SYDE2: variants seen among roughly 807,000 people sequenced by gnomAD.
SYDE2 encodes synapse defective Rho GTPase homolog 2.
Under a neutral mutation model 91.5 loss-of-function variants are expected in SYDE2, and 76 were observed. The ratio of observed to expected loss-of-function variants is 0.83; its 90% CI spans 0.69 to 1.01. The LOEUF is 1.01. Ranked by LOEUF, SYDE2 falls within the 50% of genes least tolerant of loss-of-function variation. SYDE2 has a pLI of 0.00. For missense variants in SYDE2, 1,364 were observed against 1,367.7 expected (o/e 1.00, Z 0.04); for synonymous variants, 513 against 506.4 (o/e 1.01, Z -0.18).
At chr1:85,195,235 T>C (rs554311370) in intron 1 of SYDE2, among the ~76,000 whole-genome samples, 17 of 152,282 alleles carry the variant, frequency 1.1e-4, no homozygotes, top group African/African-American at 4.1e-4. Flanking sequence ...ATAAACTCTC[T>C]TGCTTTTCCT....
chr1:85,158,682 G>A lies in SYDE2; in HGVS notation c.*68C>T. ...TAAAAAAATGAAAACATCGCTGTGG[G>A]TGGTATAAGAAAATAAAACAAAAAC... On this transcript the variant is annotated 3_prime_UTR_variant, in exon 7 of 7. Coordinates refer to ENST00000341460, the MANE Select transcript of SYDE2 (RefSeq NM_032184.2). The A allele has an allele frequency of 1.6e-6, 1 of 626,604 alleles. No individual in the cohort carries two copies. Among genetic ancestry groups the A allele is most frequent in the Non-Finnish European group, 2.9e-6 (1 of 349,472 alleles). The allele number at this position is 626,604 out of a possible 1,614,324, so 38.8% of individuals were successfully genotyped here. A position where few individuals can be genotyped will look rare whatever the true frequency, so the allele number is the denominator to read the frequency against.
intron 4 of SYDE2, among the ~76,000 whole-genome samples, chr1:85,176,631 T>A (rs911930001): frequency 6.6e-6 from 1 of 151,988 alleles, no homozygotes; most frequent in Non-Finnish European, 1.5e-5. Flanking sequence ...ATTAACACAT[T>A]ACAGCAAGAA....
intron 2 of SYDE2, among the ~76,000 whole-genome samples, chr1:85,185,346 T>A (rs1227638073): frequency 6.6e-6 from 1 of 151,272 alleles, no homozygotes; most frequent in Non-Finnish European, 1.5e-5. Context: ...GTTGTGTTTT[T>A]AAAAAAATGT....
Position 85,190,724 on chromosome 1 carries a change from T to C in SYDE2, c.774A>G (p.Ser258=). The change falls in exon 2 of 7, where the codon TCA becomes TCG. Residue 258 remains serine, a synonymous_variant. Coordinates refer to ENST00000341460, the MANE Select transcript of SYDE2 (RefSeq NM_032184.2). The part of the protein sequence containing the change: ...TDLFENAYGS[S]MKGRELEELK... ...GCTCTTCAAGTTCTCTTCCCTTCAT[T>C]GAAGACCCATAGGCATTTTCAAATA... 6.2e-7 allele frequency: 1 copy of C among 1,611,066 alleles called. No individual in the cohort carries two copies. Among genetic ancestry groups the C allele is most frequent in the Non-Finnish European group, 8.5e-7 (1 of 1,178,828 alleles).
At position 85,182,784 on chromosome 1, in the gene SYDE2, A is replaced by G. The variant is rs749515050; in HGVS notation, c.1858T>C (p.Tyr620His). The change falls in exon 3 of 7, where the codon TAC becomes CAC. Residue 620 changes from tyrosine (Y) to histidine (H), a missense_variant. By Grantham distance (83) the Tyr-to-His change is moderately conservative. Coordinates refer to ENST00000341460, the MANE Select transcript of SYDE2 (RefSeq NM_032184.2). ...MSSKYSCKGG[Y>H]LSDGDSPELT... is the part of the protein sequence containing the mutation. ...TCAGGTGAGTCTCCATCACTAAGGT[A>G]ACCACCTTTGCAGGAATACTTAGAA... The G allele has an allele frequency of 1.2e-6, 2 of 1,613,934 alleles. No individual in the cohort carries two copies. Among genetic ancestry groups the G allele is most frequent in the South Asian group, 1.1e-5 (1 of 91,084 alleles).
Position 85,190,141 on chromosome 1 carries a change from G to A in SYDE2, c.1357C>T (p.Gln453Ter), listed in dbSNP as rs1356686117. The A allele has an allele frequency of 1.2e-6, 2 of 1,613,834 alleles. No homozygotes were observed. The highest frequency in any genetic ancestry group is 1.7e-6 in the Non-Finnish European group (2 of 1,179,888). The change falls in exon 2 of 7, where the codon CAG becomes TAG. Residue 453 changes from glutamine to a stop codon, truncating the protein, a stop_gained. Transcript: ENST00000341460. LOFTEE classifies it high-confidence loss of function. ...TGTCCTAGCTTTTGCTTGTACTGCT[G>A]CACAAATTCTGTGGAATGGGCAGGA... ...IHPAHSTEFV[Q>*]QYKQKLGHKT... is the part of the protein sequence containing the mutation.
intron 4 of SYDE2, among the ~76,000 whole-genome samples, chr1:85,170,743 G>C (rs1657472752): frequency 1.3e-5 from 2 of 152,172 alleles, no homozygotes; most frequent in Admixed American, 1.3e-4. Context: ...TCAGGCCATA[G>C]AGAGCTTCCT....
chr1:85,190,726 A>G lies in SYDE2; in HGVS notation c.772T>C (p.Ser258Pro), dbSNP rs188708420. 6.7e-4 allele frequency: 1,075 copies of G among 1,610,992 alleles called. 16 individuals are homozygous for G. The Admixed American group carries it at 0.016, about 25-fold the overall frequency. Reference sequence around the variant, plus strand: ...TCTTCAAGTTCTCTTCCCTTCATTGAAGACCCATAGGCATTTTCAAATAAA... The same window carrying G: ...TCTTCAAGTTCTCTTCCCTTCATTGGAGACCCATAGGCATTTTCAAATAAA... ...TDLFENAYGS[S>P]MKGRELEELK... The change falls in exon 2 of 7, where the codon TCA (serine) becomes CCA (proline). Residue 258 changes from serine to proline, a missense_variant. Transcript: ENST00000341460.
chr1:85,163,430 C>T (rs1202449391), intron 6 of SYDE2, among the ~76,000 whole-genome samples: 1 of 126,478 alleles, frequency 7.9e-6, no homozygotes, highest in Admixed American at 9.0e-5. Flanking sequence ...ATCAAGCATT[C>T]TCTTGTACTT....
At chr1:85,181,651 A>G (rs1657923823) in intron 3 of SYDE2, 1 of 152,710 alleles carries the variant, frequency 6.5e-6, no homozygotes, top group South Asian at 2.1e-4. Flanking sequence ...TTCAGATTTT[A>G]TAATATTTAC....
chr1:85,155,031 GA>G (rs1376182057), downstream of SYDE2, among the ~76,000 whole-genome samples: 12 of 98,834 alleles, frequency 1.2e-4, no homozygotes, highest in South Asian at 3.2e-4. Context: ...AAAAAGAAAA[GA>G]AAAAGAAAAA....
intron 4 of SYDE2, among the ~76,000 whole-genome samples, chr1:85,176,541 G>A (rs1657706097): frequency 6.6e-6 from 1 of 152,038 alleles, no homozygotes; most frequent in Admixed American, 6.6e-5. Context: ...TCTTAAATAC[G>A]TACAAGATGA....
At chr1:85,192,489 A>G (rs1293559821) in intron 1 of SYDE2, among the ~76,000 whole-genome samples, 1 of 152,184 alleles carries the variant, frequency 6.6e-6, no homozygotes, top group Admixed American at 6.5e-5. Context: ...TAATAAATAA[A>G]TAAATAAACA....
At chr1:85,176,660 T>C (rs1022261464) in intron 4 of SYDE2, among the ~76,000 whole-genome samples, 1 of 152,014 alleles carries the variant, frequency 6.6e-6, no homozygotes, top group Non-Finnish European at 1.5e-5. Flanking sequence ...CAGTTGTCAG[T>C]AGAGAGGAGA....
At position 85,182,953 on chromosome 1, in the gene SYDE2, T is replaced by C; in HGVS notation, c.1689A>G (p.Lys563=). The change falls in exon 3 of 7, where the codon AAA becomes AAG. Residue 563 remains lysine, a synonymous_variant. Transcript: ENST00000341460. ...TATGATGAACTTCTCGGCAGTTATA[T>C]TTAGACAAAGAAGGAGTATTATCTG... ...NSPDNTPSLS[K]YNCREVHHTD... The C allele has an allele frequency of 6.2e-7, 1 of 1,613,846 alleles. No individual in the cohort carries two copies. Among genetic ancestry groups the C allele is most frequent in the Non-Finnish European group, 8.5e-7 (1 of 1,179,784 alleles).
intron 1 of SYDE2, 68 bp from the exon 2 acceptor site, chr1:85,190,820 A>T: frequency 7.5e-7 from 1 of 1,331,162 alleles, no homozygotes; most frequent in South Asian, 1.8e-5. Context: ...GTCACTTCAG[A>T]CCAGTTATTT....
intron 2 of SYDE2, among the ~76,000 whole-genome samples, chr1:85,187,089 T>C (rs1658171231): frequency 6.6e-6 from 1 of 151,758 alleles, no homozygotes. Flanking sequence ...ACCTACAAAA[T>C]GGGAGAAAAT....
chr1:85,171,094 G>A (rs1268713597), intron 4 of SYDE2, among the ~76,000 whole-genome samples: 1 of 152,138 alleles, frequency 6.6e-6, no homozygotes, highest in Non-Finnish European at 1.5e-5. Context: ...TCATGTTTTA[G>A]GGGGTAAAGA....
chr1:85,194,787 T>C (rs1658514134), intron 1 of SYDE2: 1 of 974,420 alleles, frequency 1.0e-6, no homozygotes, highest in Non-Finnish European at 1.2e-6. Context: ...GATTACTTAC[T>C]GAACATTTAA....
Sources: allele counts gnomAD v4.1 joint callset (sites outside exome capture counted in the v4.1 genomes callset), GRCh38; gene constraint gnomAD v4.1.1; transcripts MANE v1.5; gene names NCBI Gene and HGNC (gene_info 2026-07-23, HGNC 2026-07-21).